The following GADL1 variants were observed in gnomAD, a reference collection of about 807,000 sequenced individuals.
GADL1 encodes the protein GAD like acidic amino acid decarboxylase 1.
In GADL1, 71 loss-of-function variants were observed where a neutral mutation model predicts 69.5. The ratio of observed to expected loss-of-function variants is 1.02; its 90% confidence interval spans 0.84 to 1.25. GADL1 has a LOEUF of 1.25. Among genes scored for constraint, GADL1 ranks in the 50% most tolerant of loss-of-function variants. GADL1 has a pLI of 0.00. For missense variants in GADL1, 737 were observed against 631.8 expected, an observed-to-expected ratio of 1.17 and a Z score of -1.79; for synonymous variants, 254 against 214.4, an observed-to-expected ratio of 1.18 and a Z score of -1.62.
At chr3:30,759,154 C>T (rs1236220275) in intron 14 of GADL1, among the ~76,000 whole-genome samples, 1 of 152,138 alleles carries the variant, frequency 6.6e-6, no homozygotes, top group Non-Finnish European at 1.5e-5. Flanking sequence ...ATTCGACAGG[C>T]CTCTGCAGAT....
At chr3:30,762,205 G>GGC (rs1696154506) in intron 14 of GADL1, among the ~76,000 whole-genome samples, 1 of 152,148 alleles carries the variant, frequency 6.6e-6, no homozygotes, top group Non-Finnish European at 1.5e-5. Flanking sequence ...AGAGAAGAGG[G>GGC]GCTTGGGGTA....
Position 30,727,180 on chromosome 3 carries a change from C to A in GADL1, c.*1062G>T, listed in dbSNP as rs2125466535. The A allele has an allele frequency of 6.8e-6, 1 of 146,838 alleles. No homozygotes were observed. The highest frequency in any genetic ancestry group is 2.5e-5 in the African/African-American group (1 of 39,912). The allele number at this position is 146,838 out of a possible 1,614,324, so 9.1% of individuals were successfully genotyped here. The stretch of plus-strand genomic sequence containing the variant: ...ATATCACAGAAACATATATATTTCC[C>A]AAATTTTTCTTAAAAAGCACCCCAG... On this transcript the variant is annotated 3_prime_UTR_variant, in exon 15 of 15. Transcript: ENST00000282538.
intron 11 of GADL1, among the ~76,000 whole-genome samples, chr3:30,818,662 G>A (rs550153862): frequency 1.3e-5 from 2 of 152,240 alleles, no homozygotes; most frequent in East Asian, 1.9e-4. Flanking sequence ...TATGTCCTAT[G>A]TAACATTTGA....
At chr3:30,795,023 G>A (rs1697003997) in intron 12 of GADL1, among the ~76,000 whole-genome samples, 1 of 152,120 alleles carries the variant, frequency 6.6e-6, no homozygotes, top group Non-Finnish European at 1.5e-5. Context: ...GGATATTTTA[G>A]CTATAAGAGC....
intron 14 of GADL1, among the ~76,000 whole-genome samples, chr3:30,738,817 A>C (rs1695575472): frequency 6.6e-6 from 1 of 152,196 alleles, no homozygotes; most frequent in Non-Finnish European, 1.5e-5. Context: ...CCTTACCCAC[A>C]CACTTAGTGA....
intron 14 of GADL1, among the ~76,000 whole-genome samples, chr3:30,765,485 TATGTGATAAC>T (rs1696254628): frequency 6.6e-6 from 1 of 152,236 alleles, no homozygotes; most frequent in African/African-American, 2.4e-5. Context: ...ATGCATCTAC[TATGTGATAAC>T]ATTGTGAAAA....
chr3:30,751,631 G>A (rs1293110630), intron 14 of GADL1, among the ~76,000 whole-genome samples: 1 of 152,178 alleles, frequency 6.6e-6, no homozygotes, highest in African/African-American at 2.4e-5. Context: ...AAAACTGAAA[G>A]ACTGAAACAG....
chr3:30,746,753 A>G (rs1327023608), intron 14 of GADL1, among the ~76,000 whole-genome samples: 1 of 152,238 alleles, frequency 6.6e-6, no homozygotes. Flanking sequence ...GCAAGAAAAC[A>G]ATGGACATTA....
intron 2 of GADL1, 34 bp from the exon 3 acceptor site, chr3:30,857,175 C>T: frequency 6.5e-7 from 1 of 1,544,100 alleles, no homozygotes; most frequent in Non-Finnish European, 8.8e-7. Flanking sequence ...ATTGAGTATC[C>T]ACCATAGCCA....
At chr3:30,873,402 T>C (rs994759051) in intron 1 of GADL1, among the ~76,000 whole-genome samples, 57 of 152,068 alleles carry the variant, frequency 3.7e-4, no homozygotes, top group African/African-American at 1.3e-3. Flanking sequence ...CCAAGTCATA[T>C]AGCTAGTAAG....
chr3:30,838,155 T>C (rs989298157), intron 9 of GADL1, among the ~76,000 whole-genome samples: 5 of 152,160 alleles, frequency 3.3e-5, no homozygotes, highest in African/African-American at 1.2e-4. Flanking sequence ...GATCTGAAAC[T>C]ATCACTTACC....
intron 14 of GADL1, 55 bp from the exon 15 acceptor site, chr3:30,728,470 A>T (rs148447258): frequency 2.8e-6 from 4 of 1,453,152 alleles, no homozygotes; most frequent in Non-Finnish European, 3.8e-6. Context: ...AAGGCATTTC[A>T]ATAGCATTTT....
intron 14 of GADL1, among the ~76,000 whole-genome samples, chr3:30,730,795 A>G (rs1695445302): frequency 6.6e-6 from 1 of 152,010 alleles, no homozygotes; most frequent in Non-Finnish European, 1.5e-5. Context: ...AATCCTCCTC[A>G]CCTTAGGTAG....
At chr3:30,828,862 A>G (rs549820604) in intron 11 of GADL1, among the ~76,000 whole-genome samples, 2 of 152,090 alleles carry the variant, frequency 1.3e-5, no homozygotes, top group Non-Finnish European at 2.9e-5. Flanking sequence ...TTTAAAAAGC[A>G]TTATGAAAGC....
intron 1 of GADL1, among the ~76,000 whole-genome samples, chr3:30,889,667 C>G (rs759310825): frequency 3.9e-5 from 6 of 151,960 alleles, no homozygotes; most frequent in Non-Finnish European, 8.8e-5. Flanking sequence ...TCACGCATCT[C>G]TTTTAACTCA....
chr3:30,872,459 C>A (rs567992736), intron 1 of GADL1, among the ~76,000 whole-genome samples: 1 of 152,032 alleles, frequency 6.6e-6, no homozygotes, highest in South Asian at 2.1e-4. Context: ...TTATAAAACA[C>A]CAGGTTTCAC....
At position 30,759,924 on chromosome 3, in the gene GADL1, CAT is replaced by C. The variant is rs574814075; in HGVS notation, c.1392+18253_1392+18254del. Among the ~76,000 whole-genome samples the C allele has an allele frequency of 7.4e-3, 1,123 of 152,314 alleles. 10 individuals are homozygous for C. Among genetic ancestry groups the C allele is most frequent in the Middle Eastern group, 0.014 (4 of 292 alleles). The stretch of plus-strand genomic sequence containing the variant: ...ACTTGTGCTCTATGCCTCTGTCACT[CAT>C]AAGAACATGCCTCAGTAAGTTGAAG... On this transcript the variant is annotated intron_variant, in intron 14 of 14. Transcript: ENST00000282538.
At chr3:30,775,959 C>T (rs1486857413) in intron 14 of GADL1, among the ~76,000 whole-genome samples, 1 of 152,086 alleles carries the variant, frequency 6.6e-6, no homozygotes, top group Non-Finnish European at 1.5e-5. Context: ...ATGGTGGGTG[C>T]CTGTGATCAC....
rs1422714419 is a variant in GADL1 at position 30,857,102 on chromosome 3, G to C, written c.250C>G (p.Leu84Val). The change falls in exon 3 of 15, where the codon CTT becomes GTT. Residue 84 changes from leucine (L) to valine (V), a missense_variant. By Grantham distance (32) the Leu-to-Val change is conservative. Coordinates refer to ENST00000282538, the MANE Select transcript of GADL1 (RefSeq NM_207359.3). Reference protein sequence around the residue: ...WRPPEQLKQLLDLEMRDSGEP... With the variant: ...WRPPEQLKQLVDLEMRDSGEP... ...CCTGAGTCTCTCATCTCCAAATCAA[G>C]AAGCTGTTTCAGTTGTTCAGGAGGC... 1.3e-6 allele frequency: 2 copies of C among 1,550,160 alleles called. No homozygotes were observed.
Sources: allele counts gnomAD v4.1 joint callset (sites outside exome capture counted in the v4.1 genomes callset), GRCh38; gene constraint gnomAD v4.1.1; transcripts MANE v1.5; gene names NCBI Gene and HGNC (gene_info 2026-07-23, HGNC 2026-07-21).